PTPRN2: variants seen among roughly 807,000 people sequenced by gnomAD.
PTPRN2 encodes receptor-type tyrosine-protein phosphatase N2.
In PTPRN2, 74 loss-of-function variants were observed where a neutral mutation model predicts 118.8. The ratio of observed to expected loss-of-function variants is 0.62; its 90% CI spans 0.52 to 0.76. The LOEUF (loss-of-function observed/expected upper bound fraction) is 0.76, where lower values mean the gene tolerates loss of function less well. PTPRN2 is among the 30% of genes least tolerant of loss of function. PTPRN2 has a pLI of 0.00. For missense variants in PTPRN2, 1,481 were observed against 1,394.4 expected (o/e 1.06, Z -0.99); for synonymous variants, 641 against 608.0 (o/e 1.05, Z -0.80).
intron 12 of PTPRN2, among the ~76,000 whole-genome samples, chr7:157,699,630 C>T (rs1797971523): frequency 6.6e-6 from 1 of 152,176 alleles, no homozygotes; most frequent in African/African-American, 2.4e-5. Flanking sequence ...GTTTTGCCAT[C>T]TTGGCCAGGC....
intron 2 of PTPRN2, among the ~76,000 whole-genome samples, chr7:158,384,135 C>A (rs192501023): frequency 6.6e-6 from 1 of 152,332 alleles, no homozygotes; most frequent in Admixed American, 6.5e-5. Flanking sequence ...GTATCACAAC[C>A]TGCTGGGCTC....
At chr7:158,582,507 C>G (rs983193612) in intron 1 of PTPRN2, among the ~76,000 whole-genome samples, 1 of 151,840 alleles carries the variant, frequency 6.6e-6, no homozygotes, top group African/African-American at 2.4e-5. Flanking sequence ...TCACTTGAGG[C>G]CAGGAGTTCA....
At chr7:158,086,631 A>G (rs1813435904) in intron 10 of PTPRN2, among the ~76,000 whole-genome samples, 2 of 152,184 alleles carry the variant, frequency 1.3e-5, no homozygotes. Flanking sequence ...AAAATGTGGC[A>G]CTCAATAGAC....
chr7:158,342,088 T>A, intron 2 of PTPRN2, among the ~76,000 whole-genome samples: 2 of 126,754 alleles, frequency 1.6e-5, no homozygotes, highest in South Asian at 2.5e-4. Flanking sequence ...CCAGAAGGGG[T>A]GTCACCTGCA....
At chr7:157,544,253 G>A (rs1345132099) in intron 22 of PTPRN2, among the ~76,000 whole-genome samples, 1 of 152,196 alleles carries the variant, frequency 6.6e-6, no homozygotes, top group African/African-American at 2.4e-5. Context: ...TGGGCTGCGG[G>A]CCTGGAGCTG....
At chr7:157,887,073 G>C (rs761429205) in intron 12 of PTPRN2, among the ~76,000 whole-genome samples, 13 of 148,574 alleles carry the variant, frequency 8.7e-5, no homozygotes, top group Non-Finnish European at 1.9e-4. Flanking sequence ...GCCCACCCAT[G>C]ACAGGCCTGT....
chr7:158,441,002 G>A (rs1219858500), intron 2 of PTPRN2, among the ~76,000 whole-genome samples: 2 of 145,930 alleles, frequency 1.4e-5, no homozygotes, highest in African/African-American at 5.5e-5. Context: ...TGGCAGTGAT[G>A]GGGGTGGTGG....
intron 11 of PTPRN2, among the ~76,000 whole-genome samples, chr7:158,042,404 C>T (rs1808540564): frequency 6.6e-6 from 1 of 152,174 alleles, no homozygotes; most frequent in Admixed American, 6.5e-5. Context: ...CAAGTTCAGG[C>T]ACCAGACACA....
intron 21 of PTPRN2, among the ~76,000 whole-genome samples, chr7:157,561,269 C>A (rs768592893): frequency 2.4e-4 from 36 of 152,342 alleles, no homozygotes; most frequent in Non-Finnish European, 4.6e-4. Flanking sequence ...TTCTGCACTG[C>A]CTGGCTGGTC....
At chr7:158,476,247 G>T (rs1360995523) in intron 2 of PTPRN2, among the ~76,000 whole-genome samples, 1 of 152,152 alleles carries the variant, frequency 6.6e-6, no homozygotes, top group African/African-American at 2.4e-5. Context: ...CAAGCAATTC[G>T]CCTGCCTTGG....
chr7:158,172,313 G>T (rs769881644), intron 5 of PTPRN2, among the ~76,000 whole-genome samples: 3 of 152,192 alleles, frequency 2.0e-5, no homozygotes, highest in Non-Finnish European at 4.4e-5. Flanking sequence ...ATTAGGGAGA[G>T]TATAGGTAAA....
At chr7:158,522,757 C>T (rs1225354932) in intron 1 of PTPRN2, among the ~76,000 whole-genome samples, 2 of 152,222 alleles carry the variant, frequency 1.3e-5, no homozygotes, top group Non-Finnish European at 2.9e-5. Context: ...CAGGGCTCAG[C>T]GTCTCCCCTG....
chr7:158,203,522 G>C (rs2150740665), intron 4 of PTPRN2, among the ~76,000 whole-genome samples: 1 of 152,166 alleles, frequency 6.6e-6, no homozygotes, highest in East Asian at 1.9e-4. Flanking sequence ...TCAGAGGCAG[G>C]TCCTCCCTGG....
chr7:158,130,932 T>C (rs546690819), intron 9 of PTPRN2, among the ~76,000 whole-genome samples: 21 of 146,790 alleles, frequency 1.4e-4, no homozygotes, highest in African/African-American at 3.3e-4. Context: ...TACACACACA[T>C]GCATATGCAC....
Position 157,915,695 on chromosome 7 carries a change from C to T in PTPRN2, c.1724-16958G>A, listed in dbSNP as rs189858479. 1.5e-3 allele frequency among the ~76,000 whole-genome samples: 222 copies of T among 152,246 alleles called. 2 individuals are homozygous for T. The highest frequency in any genetic ancestry group is 3.5e-3 in the East Asian group (18 of 5,186). ...ATGAATGCTGAAGTTCAGGTTTACC[C>T]GGTGTGGAGAAGATTCTCAGAATAA... On this transcript the variant is annotated intron_variant, in intron 11 of 22. Transcript: ENST00000389418.
intron 6 of PTPRN2, among the ~76,000 whole-genome samples, chr7:158,151,071 ACTCTTGCCCCTGCCTG>A (rs1821002782): frequency 1.9e-5 from 2 of 105,288 alleles, no homozygotes; most frequent in East Asian, 2.8e-4. Flanking sequence ...CCGCCTTTCC[ACTCTTGCCCCTGCCTG>A]CCCAAACCGC....
chr7:158,165,151 G>C (rs1263965172), intron 6 of PTPRN2, among the ~76,000 whole-genome samples: 1 of 151,792 alleles, frequency 6.6e-6, no homozygotes, highest in Non-Finnish European at 1.5e-5. Context: ...GCAGGAGGCA[G>C]TGAAGACCCC....
At chr7:158,336,858 T>C (rs1466646716) in intron 2 of PTPRN2, among the ~76,000 whole-genome samples, 1 of 96,316 alleles carries the variant, frequency 1.0e-5, no homozygotes, top group Non-Finnish European at 2.3e-5. Context: ...ACTCTCACCA[T>C]AAGAGCTGTC....
intron 12 of PTPRN2, among the ~76,000 whole-genome samples, chr7:157,873,957 G>A (rs1424539004): frequency 2.0e-5 from 3 of 152,172 alleles, no homozygotes; most frequent in Non-Finnish European, 4.4e-5. Context: ...TGACTTTGAC[G>A]GCTCTAGGTC....
Sources: gnomAD v4.1 joint callset for allele counts (sites outside exome capture counted in the v4.1 genomes callset) on GRCh38, gnomAD v4.1.1 for gene constraint, MANE v1.5 for transcripts, NCBI Gene and HGNC (gene_info 2026-07-23, HGNC 2026-07-21) for gene names.